Variants in CFAP54 observed in about 807,000 individuals in gnomAD.
CFAP54 encodes cilia- and flagella-associated protein 54.
A neutral mutation model predicts 370.4 loss-of-function variants in CFAP54; 290 were observed. That is an observed-to-expected ratio of 0.78 (90% CI 0.71 to 0.86). CFAP54 has a LOEUF of 0.86. Ranked by LOEUF, CFAP54 falls within the 40% of genes least tolerant of loss-of-function variation. The pLI is 0.00. For synonymous variants in CFAP54, 1,206 were observed against 1,236.5 expected (o/e 0.98, Z 0.52); for missense variants, 3,399 against 3,528.7 (o/e 0.96, Z 0.93).
At position 96,564,657 on chromosome 12, in the gene CFAP54, G is replaced by C. The variant is rs1246510043; in HGVS notation, c.2511G>C (p.Met837Ile). The C allele has an allele frequency of 1.6e-6, 1 of 637,482 alleles. No individual in the cohort carries two copies. The highest frequency in any genetic ancestry group is 1.8e-5 in the African/African-American group (1 of 54,160). The allele number at this position is 637,482 out of a possible 1,614,324, so 39.5% of individuals were successfully genotyped here. A position where few individuals can be genotyped will look rare whatever the true frequency, so the allele number is the denominator to read the frequency against. ...STDCFTELNI[M>I]NKIKKNTLSK... ...TTGTTTTTATAGAATTAAATATAAT[G>C]AATAAAATAAAGAAGAATACATTAT... Residue 837 changes from methionine (M) to isoleucine (I), a missense_variant, in exon 19 of 68, where the codon ATG becomes ATC. Physicochemically the swap from Met to Ile is conservative, Grantham distance 10. This residue lies in a region of CFAP54 where 2,796 missense variants were observed against 2,869.7 expected (regional missense o/e 0.97). Coordinates refer to ENST00000524981, the MANE Select transcript of CFAP54 (RefSeq NM_001306084.2).
intron 66 of CFAP54, among the ~76,000 whole-genome samples, chr12:96,860,134 ATT>A (rs137937553): frequency 0.52 from 66,434 of 127,536 alleles, 18,767 homozygotes; most frequent in Middle Eastern, 0.64. Flanking sequence ...TTGTTCTCTA[ATT>A]TTTTTTTTTT....
At position 96,552,203 on chromosome 12, in the gene CFAP54, G is replaced by A. The variant is rs556504659; in HGVS notation, c.2155-1979G>A. 4.1e-4 allele frequency among the ~76,000 whole-genome samples: 56 copies of A among 136,272 alleles called. 1 individual carries two copies. Among genetic ancestry groups the A allele is most frequent in the African/African-American group, 8.7e-4 (31 of 35,590 alleles). The allele number at this position is 136,272 out of a possible 152,430, so 89.4% of individuals were successfully genotyped here. A position where few individuals can be genotyped will look rare whatever the true frequency, so the allele number is the denominator to read the frequency against. On this transcript the variant is annotated intron_variant, in intron 15 of 67. Coordinates refer to ENST00000524981, the MANE Select transcript of CFAP54 (RefSeq NM_001306084.2). ...AGAGGTTGCAGTGAGCTGAGATCAC[G>A]CCATTGCGCTCCAACCTGGGCAACA...
At chr12:96,609,542 A>G (rs1325457698) in intron 26 of CFAP54, among the ~76,000 whole-genome samples, 1 of 152,022 alleles carries the variant, frequency 6.6e-6, no homozygotes, top group Non-Finnish European at 1.5e-5. Flanking sequence ...ATAGATGCTG[A>G]CTCCTAACAG....
intron 66 of CFAP54, among the ~76,000 whole-genome samples, chr12:96,833,514 G>T: frequency 7.2e-6 from 1 of 138,558 alleles, no homozygotes. Context: ...GTACGTGTGT[G>T]TGTGTGTGTG....
chr12:96,544,044 A>G (rs1046602671), intron 14 of CFAP54, among the ~76,000 whole-genome samples: 1 of 152,162 alleles, frequency 6.6e-6, no homozygotes, highest in Non-Finnish European at 1.5e-5. Context: ...CCCTTGAACA[A>G]TATGAGGGTT....
intron 45 of CFAP54, among the ~76,000 whole-genome samples, chr12:96,696,541 T>C (rs1487584949): frequency 2.6e-5 from 4 of 152,072 alleles, no homozygotes; most frequent in Admixed American, 6.6e-5. Context: ...TAGAGTAGCA[T>C]AAAAACCAGA....
rs768323894 is a variant in CFAP54 at position 96,684,735 on chromosome 12, G to A, written c.5804G>A (p.Arg1935Lys). ...CTTCTCATCTTCGCAGAAAAGAAAA[G>A]GTAGATTTTTAGAAGTCTGTAGAAC... ...GSLLIFAEKKRAAFKCWCQAL... is the reference protein window; with the variant it reads ...GSLLIFAEKKKAAFKCWCQAL... Residue 1935 changes from arginine to lysine, a missense_variant and splice_region_variant, in exon 41 of 68, where the codon AGG becomes AAG. Physicochemically the swap from Arg to Lys is conservative, Grantham distance 26 (BLOSUM62 2). Transcript: ENST00000524981. 2 of 1,607,570 alleles carry A rather than the reference G, an allele frequency of 1.2e-6. No homozygotes were observed. The highest frequency in any genetic ancestry group is 1.1e-5 in the South Asian group (1 of 89,338).
At chr12:96,837,623 C>CA (rs2136769967) in intron 66 of CFAP54, among the ~76,000 whole-genome samples, 1 of 152,184 alleles carries the variant, frequency 6.6e-6, no homozygotes, top group Admixed American at 6.5e-5. Flanking sequence ...AACAAATGTT[C>CA]AAAAAAAGTT....
At chr12:96,729,696 G>A (rs945165933) in intron 50 of CFAP54, among the ~76,000 whole-genome samples, 1 of 152,188 alleles carries the variant, frequency 6.6e-6, no homozygotes, top group Non-Finnish European at 1.5e-5. Flanking sequence ...TGCACCCACT[G>A]TCCTGCGCCC....
intron 39 of CFAP54, among the ~76,000 whole-genome samples, chr12:96,671,192 G>C (rs769159802): frequency 6.6e-6 from 1 of 151,854 alleles, no homozygotes; most frequent in African/African-American, 2.4e-5. Context: ...GGCTGGTCTC[G>C]AACACCTGAC....
intron 22 of CFAP54, 113 bp from the exon 23 acceptor site, chr12:96,589,314 C>T (rs1391522231): frequency 7.3e-6 from 6 of 824,782 alleles, no homozygotes; most frequent in African/African-American, 3.4e-5. Flanking sequence ...CTGAAATGAG[C>T]GTGTGATAGC....
chr12:96,753,881 AAATCCTTTTTCAG>A lies in CFAP54; in HGVS notation c.7826_7838del (p.Ile2609LysfsTer4). 1 of 1,613,788 alleles carries A rather than the reference AAATCCTTTTTCAG, an allele frequency of 6.2e-7. No individual in the cohort carries two copies. The highest frequency in any genetic ancestry group is 8.5e-7 in the Non-Finnish European group (1 of 1,179,808). On this transcript the variant is annotated frameshift_variant, in exon 56 of 68. Coordinates refer to ENST00000524981, the MANE Select transcript of CFAP54 (RefSeq NM_001306084.2). LOFTEE classifies it high-confidence loss of function. ...GTGGAGGAACATGAGGTGGAAGCTG[AAATCCTTTTTCAG>A]AAAGGTAAAATGCATCTGGGGTCAG...
At chr12:96,831,029 G>A (rs994365321) in intron 66 of CFAP54, among the ~76,000 whole-genome samples, 1 of 152,172 alleles carries the variant, frequency 6.6e-6, no homozygotes, top group Non-Finnish European at 1.5e-5. Flanking sequence ...GTGACAAGTG[G>A]AAAATAGTAT....
At chr12:96,796,566 C>T (rs1015133020) in intron 63 of CFAP54, among the ~76,000 whole-genome samples, 2 of 152,058 alleles carry the variant, frequency 1.3e-5, no homozygotes, top group African/African-American at 2.4e-5. Context: ...TACTGGTTTT[C>T]GGAAGTGGTG....
At chr12:96,683,587 G>A (rs947600099) in intron 40 of CFAP54, among the ~76,000 whole-genome samples, 11 of 152,152 alleles carry the variant, frequency 7.2e-5, no homozygotes, top group Admixed American at 5.9e-4. Flanking sequence ...GTGCCTTGCA[G>A]GCCATCTGAC....
In CFAP54 at chr12:96,693,737, G is replaced by T. The variant is rs771755210; in HGVS notation, c.6280G>T (p.Ala2094Ser). 1.1e-5 allele frequency: 18 copies of T among 1,591,162 alleles called. No homozygotes were observed. The Middle Eastern group carries it at 1.8e-3, about 162-fold the overall frequency. ...RQNLIVLPLL[A>S]LYQYFVSGIC... Reference sequence around the variant, plus strand: ...CTCCTGATAGGTTCTGCCTCTCCTTGCATTGTATCAATATTTTGTTTCTGG... The same window carrying T: ...CTCCTGATAGGTTCTGCCTCTCCTTTCATTGTATCAATATTTTGTTTCTGG... The change falls in exon 45 of 68, where the codon GCA (alanine) becomes TCA (serine). Residue 2094 changes from alanine (A) to serine (S), a missense_variant. Around this residue, in one of 3 missense-constraint regions of CFAP54, gnomAD observed 2,796 missense variants for 2,869.7 expected, o/e 0.97. Transcript: ENST00000524981.
rs549451005 is a variant in CFAP54, at chr12:96,592,913, C to T, written c.3360+276C>T. On this transcript the variant is annotated intron_variant, in intron 24 of 67. Coordinates refer to ENST00000524981, the MANE Select transcript of CFAP54 (RefSeq NM_001306084.2). Reference sequence around the variant, plus strand: ...AAATATATAATGTATAAAGTGAAACCCGTTGTAATCTTATTACCTCTAAGA... The same window carrying T: ...AAATATATAATGTATAAAGTGAAACTCGTTGTAATCTTATTACCTCTAAGA... Among the ~76,000 whole-genome samples the T allele has an allele frequency of 7.2e-5, 11 of 152,144 alleles. 1 individual carries two copies. The highest frequency in any genetic ancestry group is 2.6e-4 in the African/African-American group (11 of 41,518).
At chr12:96,721,425 A>G (rs1254554818) in intron 50 of CFAP54, among the ~76,000 whole-genome samples, 1 of 152,150 alleles carries the variant, frequency 6.6e-6, no homozygotes, top group Non-Finnish European at 1.5e-5. Context: ...TGATCTAGGC[A>G]GTGAAGATAT....
chr12:96,555,127 G>T (rs1284732504), intron 17 of CFAP54, among the ~76,000 whole-genome samples: 1 of 151,972 alleles, frequency 6.6e-6, no homozygotes, highest in African/African-American at 2.4e-5. Context: ...TAGGCTAGGT[G>T]CCAATAAGAC....
Sources: gnomAD v4.1 joint callset for allele counts (sites outside exome capture counted in the v4.1 genomes callset) on GRCh38, gnomAD v4.1.1 for gene constraint, gnomAD v4.1.1 regional missense constraint, MANE v1.5 for transcripts, NCBI Gene and HGNC (gene_info 2026-07-23, HGNC 2026-07-21) for gene names.